GRM7: variants seen among roughly 807,000 people sequenced by gnomAD.
GRM7 encodes glutamate metabotropic receptor 7.
In GRM7, 35 loss-of-function variants were observed where a neutral mutation model predicts 84.5. The ratio of observed to expected loss-of-function variants is 0.41; its 90% CI spans 0.32 to 0.55. The LOEUF (loss-of-function observed/expected upper bound fraction) is 0.55. GRM7 is among the 20% of genes least tolerant of loss of function. The pLI is 0.19. For synonymous variants in GRM7, 487 were observed against 455.1 expected (o/e 1.07, Z -0.89); for missense variants, 1,003 against 1,194.6 (o/e 0.84, Z 2.36).
intron 4 of GRM7, among the ~76,000 whole-genome samples, chr3:7,332,904 A>G (rs1419087882): frequency 6.6e-6 from 1 of 152,130 alleles, no homozygotes; most frequent in Non-Finnish European, 1.5e-5. Flanking sequence ...GGCAACAGAC[A>G]TAAACTTTTG....
chr3:7,568,154 A>T (rs1442439683), intron 7 of GRM7, among the ~76,000 whole-genome samples: 1 of 152,152 alleles, frequency 6.6e-6, no homozygotes, highest in Non-Finnish European at 1.5e-5. Flanking sequence ...TGGGGCTCAG[A>T]ACTTTTCTTT....
Position 6,862,816 on chromosome 3 carries a change from G to T in GRM7, c.519+909G>T, listed in dbSNP as rs1386824368. On this transcript the variant is annotated intron_variant, in intron 1 of 9. Transcript: ENST00000357716. This position sits in a 1 kb window ranked among gnomAD's most constrained non-coding sequence, Gnocchi z 5.2. ...GATTCCCGGAGCGAGGCATGAAGGC[G>T]CCCGTTGGGAGGCAGAGGGGTGCGT... 6.6e-6 allele frequency: 2 copies of T among 301,796 alleles called. No individual in the cohort carries two copies. The highest frequency in any genetic ancestry group is 1.3e-5 in the Non-Finnish European group (2 of 150,956). 18.7% of individuals were successfully genotyped at this position (301,796 alleles called of 1,614,324 possible).
At chr3:7,642,067 C>T (rs1038101776) in intron 8 of GRM7, among the ~76,000 whole-genome samples, 1 of 152,086 alleles carries the variant, frequency 6.6e-6, no homozygotes, top group Non-Finnish European at 1.5e-5. Flanking sequence ...AGGCTATATA[C>T]CAAAACAACC....
At chr3:7,723,064 G>GT (rs1702009172) in intron 9 of GRM7, among the ~76,000 whole-genome samples, 1 of 151,966 alleles carries the variant, frequency 6.6e-6, no homozygotes. Flanking sequence ...AACTGTTAAG[G>GT]TTTTACCATG....
chr3:7,451,529 G>T (rs904067223), intron 5 of GRM7, among the ~76,000 whole-genome samples: 1 of 152,124 alleles, frequency 6.6e-6, no homozygotes, highest in Non-Finnish European at 1.5e-5. Context: ...CTATCTGGAA[G>T]AATAAAGGAA....
chr3:7,419,229 T>C (rs1280973685), intron 5 of GRM7, among the ~76,000 whole-genome samples: 1 of 152,144 alleles, frequency 6.6e-6, no homozygotes, highest in Non-Finnish European at 1.5e-5. Flanking sequence ...CAGACAGGCG[T>C]CATGCAATGT....
At chr3:7,729,915 C>A (rs551203651) in intron 9 of GRM7, among the ~76,000 whole-genome samples, 21 of 135,746 alleles carry the variant, frequency 1.5e-4, no homozygotes, top group Non-Finnish European at 2.1e-4. Flanking sequence ...TGCTCTGTCG[C>A]CCAGGCTGGA....
In GRM7 at chr3:7,579,294, G is replaced by A. The variant is rs117160055; in HGVS notation, c.2388G>A (p.Thr796=). 4.3e-4 allele frequency: 692 copies of A among 1,613,146 alleles called. 2 individuals are homozygous for A. The East Asian group carries it at 8.8e-3, about 20-fold the overall frequency. The change falls in exon 8 of 10, where the codon ACG becomes ACA. Residue 796 remains threonine, a synonymous_variant. Transcript: ENST00000357716. ...AGCCCATTGGATTCACTATGTACACGACATGTATAGTATGGCTTGCCTTCA... is the reference window on the plus strand; with the variant it reads ...AGCCCATTGGATTCACTATGTACACAACATGTATAGTATGGCTTGCCTTCA... ...EAKPIGFTMY[T]TCIVWLAFIP...
At chr3:7,517,547 C>G (rs560395231) in intron 7 of GRM7, among the ~76,000 whole-genome samples, 1 of 152,252 alleles carries the variant, frequency 6.6e-6, no homozygotes, top group Admixed American at 6.5e-5. Context: ...CACCTGCCAC[C>G]ATACCTAGCC....
intron 7 of GRM7, among the ~76,000 whole-genome samples, chr3:7,540,665 A>C (rs2125014881): frequency 6.6e-6 from 1 of 152,330 alleles, no homozygotes; most frequent in South Asian, 2.1e-4. Flanking sequence ...ATAACTTTGG[A>C]AATACTTTAA....
Position 7,452,435 on chromosome 3 carries a change from T to A in GRM7, c.1175-172T>A, listed in dbSNP as rs140460163. Reference sequence around the variant, plus strand: ...ACCTAACATGGTAGCTGGATATGGATACCAACTGGCTATCACGTGGTAGGC... The same window carrying A: ...ACCTAACATGGTAGCTGGATATGGAAACCAACTGGCTATCACGTGGTAGGC... On this transcript the variant is annotated intron_variant, in intron 5 of 9. Transcript: ENST00000357716. Among the ~76,000 whole-genome samples, 13 of 152,312 alleles carry A rather than the reference T, an allele frequency of 8.5e-5. No individual in the cohort carries two copies. The East Asian group carries it at 2.3e-3, about 27-fold the overall frequency.
intron 1 of GRM7, among the ~76,000 whole-genome samples, chr3:7,142,233 A>C: frequency 6.6e-6 from 1 of 152,154 alleles, no homozygotes; most frequent in Non-Finnish European, 1.5e-5. Flanking sequence ...ATATTTTAAT[A>C]ATAAATAATA....
chr3:7,691,669 T>C (rs774572381), intron 9 of GRM7, among the ~76,000 whole-genome samples: 3 of 152,130 alleles, frequency 2.0e-5, no homozygotes, highest in Non-Finnish European at 4.4e-5. Context: ...TTTTGTTTAT[T>C]TATTTATTTG....
At chr3:7,700,445 G>A (rs140587287) in intron 9 of GRM7, among the ~76,000 whole-genome samples, 49 of 152,264 alleles carry the variant, frequency 3.2e-4, no homozygotes, top group African/African-American at 1.2e-3. Flanking sequence ...CTCAAATAGA[G>A]TGCCTCAGTC....
intron 4 of GRM7, among the ~76,000 whole-genome samples, chr3:7,379,313 A>C (rs1694489739): frequency 6.6e-6 from 1 of 152,094 alleles, no homozygotes; most frequent in Non-Finnish European, 1.5e-5. Flanking sequence ...TGCTGGTCTC[A>C]AACTCCTGAG....
At chr3:7,643,121 G>C (rs1017463968) in intron 8 of GRM7, among the ~76,000 whole-genome samples, 1 of 152,084 alleles carries the variant, frequency 6.6e-6, no homozygotes, top group Admixed American at 6.5e-5. Context: ...ATCCCTATAC[G>C]CCATACTTGG....
chr3:7,356,013 G>T (rs1693380866), intron 4 of GRM7, among the ~76,000 whole-genome samples: 1 of 152,182 alleles, frequency 6.6e-6, no homozygotes, highest in Admixed American at 6.5e-5. Context: ...TAAGGATGTT[G>T]GTGAAGGGAA....
At chr3:7,002,663 G>A (rs1426573723) in intron 1 of GRM7, among the ~76,000 whole-genome samples, 1 of 151,964 alleles carries the variant, frequency 6.6e-6, no homozygotes, top group Non-Finnish European at 1.5e-5. Context: ...AGGATTTTTG[G>A]AAAATAGTAT....
intron 5 of GRM7, among the ~76,000 whole-genome samples, chr3:7,448,383 A>G (rs1395222822): frequency 6.6e-6 from 1 of 152,268 alleles, no homozygotes; most frequent in Non-Finnish European, 1.5e-5. Flanking sequence ...ATTGTATCCT[A>G]TCCCTTGTTC....
Sources: gnomAD v4.1 joint callset for allele counts (sites outside exome capture counted in the v4.1 genomes callset) on GRCh38, gnomAD v4.1.1 for gene constraint, Gnocchi (gnomAD v3.1) non-coding constraint, MANE v1.5 for transcripts, NCBI Gene and HGNC (gene_info 2026-07-23, HGNC 2026-07-21) for gene names.